Variants in SYAP1 observed in about 807,000 individuals in gnomAD.
SYAP1 encodes the protein synapse-associated protein 1.
Under a neutral mutation model 29.6 loss-of-function variants are expected in SYAP1, and 3 were observed. That is an observed-to-expected ratio of 0.10 (90% CI 0.05 to 0.26). The LOEUF is 0.26. SYAP1 is among the 10% of genes least tolerant of loss of function. SYAP1 has a pLI of 1.00. For missense variants in SYAP1, 217 were observed against 264.1 expected (o/e 0.82, Z 1.24); for synonymous variants, 102 against 102.7 (o/e 0.99, Z 0.04).
chrX:16,758,789 G>A (rs1052098008), intron 8 of SYAP1, among the ~76,000 whole-genome samples: 32 of 111,186 alleles, frequency 2.9e-4, no homozygotes, highest in Non-Finnish European at 5.1e-4. Context: ...GAAATTGGTG[G>A]CTTCCTGCAC....
chrX:16,764,820 G>C lies in SYAP1; in HGVS notation c.*4461G>C, dbSNP rs1266895646. The C allele has an allele frequency of 9.1e-6, 1 of 110,153 alleles. No individual in the cohort carries two copies. The highest frequency in any genetic ancestry group is 2.8e-4 in the East Asian group (1 of 3,537). The allele number at this position is 110,153 out of a possible 1,213,427, so 9.1% of individuals were successfully genotyped here. On this transcript the variant is annotated 3_prime_UTR_variant, in exon 9 of 9. Coordinates refer to ENST00000380155, the MANE Select transcript of SYAP1 (RefSeq NM_032796.4). ...AGGGATCCTCCCTCCTCAGCCTCCCGAGTAGCTGGGACCACAGGCATGCAC... is the reference window on the plus strand; with the variant it reads ...AGGGATCCTCCCTCCTCAGCCTCCCCAGTAGCTGGGACCACAGGCATGCAC...
In SYAP1 at chrX:16,726,885, GT is replaced by G. The variant is rs1926092032; in HGVS notation, c.175+6989del. Among the ~76,000 whole-genome samples the G allele has an allele frequency of 3.6e-5, 4 of 111,620 alleles. No homozygotes were observed. In the South Asian group the frequency reaches 1.5e-3, roughly 42 times the overall value. On this transcript the variant is annotated intron_variant, in intron 1 of 8. Coordinates refer to ENST00000380155, the MANE Select transcript of SYAP1 (RefSeq NM_032796.4). Reference sequence around the variant, plus strand: ...TAGGTTACTGCTGTTTTCTTCTGAAGTTTAAGTTGTCTAGTCTTCAGTTCAC... The same window carrying G: ...TAGGTTACTGCTGTTTTCTTCTGAAGTTAAGTTGTCTAGTCTTCAGTTCAC...
chrX:16,758,070 G>A (rs1437112118), intron 8 of SYAP1, among the ~76,000 whole-genome samples: 1 of 111,229 alleles, frequency 9.0e-6, no homozygotes, highest in East Asian at 2.8e-4. Flanking sequence ...TTGAGATAGG[G>A]TCTCACTCTG....
At chrX:16,725,598 A>G (rs955015542) in intron 1 of SYAP1, among the ~76,000 whole-genome samples, 5 of 112,269 alleles carry the variant, frequency 4.5e-5, no homozygotes, top group Non-Finnish European at 7.5e-5. Flanking sequence ...ATCTCTTGTC[A>G]TGCTCTCCAT....
At position 16,735,337 on chromosome X, in the gene SYAP1, A is replaced by G. The variant is rs750961092; in HGVS notation, c.286A>G (p.Ile96Val). Residue 96 changes from isoleucine (I) to valine (V), a missense_variant, in exon 2 of 9, where the codon ATT becomes GTT. Physicochemically the swap from Ile to Val is conservative, Grantham distance 29. Coordinates refer to ENST00000380155, the MANE Select transcript of SYAP1 (RefSeq NM_032796.4). ...AGAAGAAGGAAAAATAGATGGCATC[A>G]TTGACAAGGTATATTCAATTATCTT... ...SVEEGKIDGI[I>V]DKTIIGDFQK... The G allele has an allele frequency of 3.6e-6, 4 of 1,124,307 alleles. No homozygotes were observed. The highest frequency in any genetic ancestry group is 1.9e-5 in the South Asian group (1 of 52,034). The allele number at this position is 1,124,307 out of a possible 1,213,427, so 92.7% of individuals were successfully genotyped here.
At position 16,756,568 on chromosome X, in the gene SYAP1, T is replaced by G. The variant is rs946834510; in HGVS notation, c.725-95T>G. On this transcript the variant is annotated intron_variant, in intron 6 of 8. Coordinates refer to ENST00000380155, the MANE Select transcript of SYAP1 (RefSeq NM_032796.4). ...TAAAAATTCATTTCTGAAAATTATTTAGTATCATAATACTTGTGGATATTT... is the reference window on the plus strand; with the variant it reads ...TAAAAATTCATTTCTGAAAATTATTGAGTATCATAATACTTGTGGATATTT... The G allele has an allele frequency of 2.2e-5, 16 of 740,145 alleles. No individual in the cohort carries two copies. In the East Asian group the frequency reaches 5.4e-4, roughly 25 times the overall value. 61.0% of individuals were successfully genotyped at this position (740,145 alleles called of 1,213,427 possible).
chrX:16,746,361 C>T (rs1199200880), intron 5 of SYAP1, among the ~76,000 whole-genome samples: 4 of 107,526 alleles, frequency 3.7e-5, no homozygotes, highest in Non-Finnish European at 3.8e-5. Context: ...CTCAGCTTCC[C>T]GAGTAGCTGG....
chrX:16,734,385 CAAAA>C (rs761468112), intron 1 of SYAP1, among the ~76,000 whole-genome samples: 1 of 49,185 alleles, frequency 2.0e-5, no homozygotes, highest in African/African-American at 5.9e-5. Flanking sequence ...GACTTCATCT[CAAAA>C]AAAAAAAAAA....
chrX:16,722,735 G>A (rs923219846), intron 1 of SYAP1, among the ~76,000 whole-genome samples: 1 of 110,421 alleles, frequency 9.1e-6, no homozygotes, highest in Non-Finnish European at 1.9e-5. Context: ...CTGATTCTTG[G>A]CCCTCCCTCC....
chrX:16,762,608 C>T lies in SYAP1; in HGVS notation c.*2249C>T, dbSNP rs1322207292. ...AAATTTCTAAGTATTTATTACATGC[C>T]TAGGGGTTAGCCAACAAGATATACC... On this transcript the variant is annotated 3_prime_UTR_variant, in exon 9 of 9. Transcript: ENST00000380155. 9.0e-6 allele frequency: 1 copy of T among 111,367 alleles called. No homozygotes were observed. The highest frequency in any genetic ancestry group is 1.9e-5 in the Non-Finnish European group (1 of 53,110). 9.2% of individuals were successfully genotyped at this position (111,367 alleles called of 1,213,427 possible).
At chrX:16,751,541 A>C (rs1385463403) in intron 5 of SYAP1, among the ~76,000 whole-genome samples, 1 of 109,405 alleles carries the variant, frequency 9.1e-6, no homozygotes, top group African/African-American at 3.3e-5. Context: ...AAAAATTAGA[A>C]CATAAAATGA....
intron 3 of SYAP1, among the ~76,000 whole-genome samples, chrX:16,738,817 A>G (rs1230104946): frequency 8.9e-6 from 1 of 112,294 alleles, no homozygotes; most frequent in Non-Finnish European, 1.9e-5. Context: ...TACAATGACC[A>G]TGAGAAGGGC....
intron 1 of SYAP1, among the ~76,000 whole-genome samples, chrX:16,732,760 A>G (rs1043240990): frequency 6.3e-5 from 7 of 111,890 alleles, no homozygotes; most frequent in Non-Finnish European, 1.1e-4. Context: ...ATTTCACTCA[A>G]TCTTAGCATT....
chrX:16,734,723 C>T (rs1410465808), intron 1 of SYAP1, among the ~76,000 whole-genome samples: 5 of 108,298 alleles, frequency 4.6e-5, no homozygotes, highest in African/African-American at 1.3e-4. Context: ...AGGCCAGGCC[C>T]GGTGGCTCAC....
intron 5 of SYAP1, among the ~76,000 whole-genome samples, chrX:16,753,958 C>T (rs982101186): frequency 9.0e-6 from 1 of 110,830 alleles, no homozygotes; most frequent in Non-Finnish European, 1.9e-5. Flanking sequence ...TTCCAGGCCA[C>T]CCCCCTGTGT....
chrX:16,722,443 G>A (rs947482572), intron 1 of SYAP1, among the ~76,000 whole-genome samples: 5 of 108,761 alleles, frequency 4.6e-5, no homozygotes, highest in Non-Finnish European at 7.6e-5. Context: ...CGGGAGAATC[G>A]CTTGAACCCG....
chrX:16,729,145 TATATC>T (rs1241786468), intron 1 of SYAP1, among the ~76,000 whole-genome samples: 4 of 111,374 alleles, frequency 3.6e-5, no homozygotes, highest in Non-Finnish European at 5.6e-5. Context: ...CGTACACTGA[TATATC>T]AGAATTATAG....
chrX:16,750,106 G>A (rs1410179250), intron 5 of SYAP1, among the ~76,000 whole-genome samples: 3 of 110,848 alleles, frequency 2.7e-5, no homozygotes, highest in African/African-American at 9.8e-5. Context: ...TGTTTTGCCG[G>A]TAAATACCCT....
At chrX:16,750,118 T>C (rs1311881097) in intron 5 of SYAP1, among the ~76,000 whole-genome samples, 2 of 110,945 alleles carry the variant, frequency 1.8e-5, no homozygotes, top group African/African-American at 6.6e-5. Flanking sequence ...AAATACCCTT[T>C]GGTTTGTCAG....
Sources: gnomAD v4.1 joint callset for allele counts (sites outside exome capture counted in the v4.1 genomes callset) on GRCh38, gnomAD v4.1.1 for gene constraint, MANE v1.5 for transcripts, NCBI Gene and HGNC (gene_info 2026-07-23, HGNC 2026-07-21) for gene names.